The following CRADD variants were observed in gnomAD, a reference collection of about 807,000 sequenced individuals.
CRADD encodes CARD and death domain containing adaptor protein, also known as death domain-containing protein CRADD.
CRADD carries 9 observed loss-of-function variants against 15.5 expected under a neutral mutation model. That is an observed-to-expected ratio of 0.58 (90% CI 0.35 to 1.01). The LOEUF (loss-of-function observed/expected upper bound fraction) is 1.01. CRADD is among the 50% of genes least tolerant of loss of function. CRADD has a pLI of 0.02. For synonymous variants in CRADD, 118 were observed against 107.6 expected, an observed-to-expected ratio of 1.10 and a Z score of -0.60; for missense variants, 227 against 250.3, an observed-to-expected ratio of 0.91 and a Z score of 0.63.
intron 2 of CRADD, among the ~76,000 whole-genome samples, chr12:93,810,914 C>G (rs1258771596): frequency 6.6e-6 from 1 of 152,192 alleles, no homozygotes; most frequent in Non-Finnish European, 1.5e-5. Context: ...AAATGCAATG[C>G]AAAACTCCCT....
intron 2 of CRADD, among the ~76,000 whole-genome samples, chr12:93,788,742 C>G (rs956309826): frequency 1.3e-5 from 2 of 152,140 alleles, no homozygotes; most frequent in African/African-American, 4.8e-5. Context: ...CCAGCTCTGC[C>G]TCTCTTTAGC....
At chr12:93,746,657 G>T (rs1379719662) in intron 2 of CRADD, among the ~76,000 whole-genome samples, 1 of 152,194 alleles carries the variant, frequency 6.6e-6, no homozygotes, top group Non-Finnish European at 1.5e-5. Flanking sequence ...CTCCAAAAAT[G>T]ATGTTGGCTA....
At chr12:93,894,244 T>G (rs1958596912) in exon 3 of CRADD, 1 of 616,320 alleles carries the variant, frequency 1.6e-6, no homozygotes. Context: ...CGTTTTTGGT[T>G]GTCACAATTC....
At chr12:93,766,107 A>G (rs1957024166) in intron 2 of CRADD, among the ~76,000 whole-genome samples, 1 of 152,236 alleles carries the variant, frequency 6.6e-6, no homozygotes, top group South Asian at 2.1e-4. Flanking sequence ...TTTGAGATAT[A>G]GCTGGTAAAT....
At chr12:93,790,940 C>T (rs1422235819) in intron 2 of CRADD, among the ~76,000 whole-genome samples, 1 of 151,436 alleles carries the variant, frequency 6.6e-6, no homozygotes, top group Non-Finnish European at 1.5e-5. Context: ...CACACACACA[C>T]TCTTGATAGT....
chr12:93,746,614 A>G (rs1211874968), intron 2 of CRADD, among the ~76,000 whole-genome samples: 1 of 152,186 alleles, frequency 6.6e-6, no homozygotes, highest in Non-Finnish European at 1.5e-5. Flanking sequence ...GTTCCTTTTT[A>G]AGTTGCTTGT....
At position 93,682,884 on chromosome 12, in the gene CRADD, G is replaced by A. The variant is rs140655446; in HGVS notation, c.298+3812G>A. Among the ~76,000 whole-genome samples the A allele has an allele frequency of 6.0e-4, 91 of 152,218 alleles. No individual in the cohort carries two copies. In the Middle Eastern group the frequency reaches 0.01, roughly 17 times the overall value. On this transcript the variant is annotated intron_variant, in intron 2 of 2. Transcript: ENST00000332896. Reference sequence around the variant, plus strand: ...GTTTTGTGTTTTTCTCACCCTGTAAGGACTCTTACCTTTTAAAAGAGGAAT... The same window carrying A: ...GTTTTGTGTTTTTCTCACCCTGTAAAGACTCTTACCTTTTAAAAGAGGAAT...
chr12:93,714,306 A>AT (rs1265930012), intron 2 of CRADD, among the ~76,000 whole-genome samples: 2 of 152,224 alleles, frequency 1.3e-5, no homozygotes, highest in Non-Finnish European at 2.9e-5. Flanking sequence ...CAAAGGGCTG[A>AT]TTTTACAGCT....
chr12:93,834,651 G>C (rs558489077), intron 2 of CRADD, among the ~76,000 whole-genome samples: 1 of 152,234 alleles, frequency 6.6e-6, no homozygotes, highest in African/African-American at 2.4e-5. Flanking sequence ...ACCACATCCG[G>C]CTAATTTTGT....
intron 2 of CRADD, among the ~76,000 whole-genome samples, chr12:93,840,106 C>A (rs1001835407): frequency 6.6e-6 from 1 of 152,188 alleles, no homozygotes; most frequent in Non-Finnish European, 1.5e-5. Context: ...TAGTTCTCCT[C>A]AGTTTGGGGA....
chr12:93,746,210 G>A (rs1027681557), intron 2 of CRADD, among the ~76,000 whole-genome samples: 4 of 152,180 alleles, frequency 2.6e-5, no homozygotes, highest in African/African-American at 9.7e-5. Context: ...ATTTTCCCTT[G>A]AACCCATCTT....
At chr12:93,867,935 G>A (rs114369192) in intron 2 of CRADD, among the ~76,000 whole-genome samples, 2,400 of 152,240 alleles carry the variant, frequency 0.016, 66 homozygotes, top group African/African-American at 0.054. Flanking sequence ...ATTAAGAACA[G>A]CAAAAGAGGA....
chr12:93,894,152 C>T (rs544870078), exon 3 of CRADD: 25 of 702,332 alleles, frequency 3.6e-5, no homozygotes, highest in Admixed American at 4.0e-5. Flanking sequence ...TCACCCCAGA[C>T]CCTACCCTCT....
chr12:93,844,626 T>C (rs529050519), intron 2 of CRADD, among the ~76,000 whole-genome samples: 1 of 152,238 alleles, frequency 6.6e-6, no homozygotes, highest in African/African-American at 2.4e-5. Flanking sequence ...GCTCGAAGCA[T>C]ATGTTGCATT....
chr12:93,782,020 G>T (rs1287801476), intron 2 of CRADD, among the ~76,000 whole-genome samples: 1 of 152,096 alleles, frequency 6.6e-6, no homozygotes, highest in African/African-American at 2.4e-5. Flanking sequence ...TATAAATCAT[G>T]CTGCTATAAA....
intron 2 of CRADD, chr12:93,859,347 A>T: frequency 2.2e-6 from 1 of 455,774 alleles, no homozygotes; most frequent in Non-Finnish European, 4.4e-6. Context: ...TATGATGGGG[A>T]GGAAGGGAAT....
chr12:93,850,131 C>G lies in CRADD; in HGVS notation c.460C>G (p.His154Asp), dbSNP rs766702926. 5 of 1,614,050 alleles carry G rather than the reference C, an allele frequency of 3.1e-6. No homozygotes were observed. The highest frequency in any genetic ancestry group is 1.1e-5 in the South Asian group (1 of 91,088). The change falls in exon 3 of 3, where the codon CAC (histidine) becomes GAC (aspartate). Residue 154 changes from histidine (H) to aspartate (D), a missense_variant. By Grantham distance (81) the His-to-Asp change is moderately conservative (BLOSUM62 -1). Transcript: ENST00000332896. The surrounding 1 kb of genome is among the most constrained non-coding windows in gnomAD (Gnocchi z 4.0). Reference sequence around the variant, plus strand: ...CTACCGCTGTAAGGCCAACCACCCCCACAACGTGCAGTCGCAGGTGGTGGA... The same window carrying G: ...CTACCGCTGTAAGGCCAACCACCCCGACAACGTGCAGTCGCAGGTGGTGGA... ...DIYRCKANHP[H>D]NVQSQVVEAF...
chr12:93,836,875 G>A (rs1374652347), intron 2 of CRADD, among the ~76,000 whole-genome samples: 1 of 152,232 alleles, frequency 6.6e-6, no homozygotes, highest in East Asian at 1.9e-4. Flanking sequence ...GCATGAGTGT[G>A]TAGGGTTGGG....
intron 2 of CRADD, among the ~76,000 whole-genome samples, chr12:93,820,393 C>T (rs1004466042): frequency 2.0e-5 from 3 of 151,880 alleles, no homozygotes; most frequent in Non-Finnish European, 2.9e-5. Context: ...AGAAAAAATA[C>T]AAAAAATTAG....
Sources: allele counts gnomAD v4.1 joint callset (sites outside exome capture counted in the v4.1 genomes callset), GRCh38; gene constraint gnomAD v4.1.1; non-coding constraint Gnocchi (gnomAD v3.1); transcripts MANE v1.5; gene names NCBI Gene and HGNC (gene_info 2026-07-23, HGNC 2026-07-21).